The following ATXN10 variants were observed in gnomAD, a reference collection of about 807,000 sequenced individuals.
ATXN10 encodes the protein ataxin 10.
A neutral mutation model predicts 52.9 loss-of-function variants in ATXN10; 28 were observed. That is an observed-to-expected ratio of 0.53 (90% CI 0.39 to 0.73). ATXN10 has a LOEUF of 0.73. Among genes scored for constraint, ATXN10 ranks in the 30% least tolerant of loss-of-function variants. ATXN10 has a pLI of 0.00. For synonymous variants in ATXN10, 226 were observed against 221.5 expected (o/e 1.02, Z -0.18); for missense variants, 565 against 577.0 (o/e 0.98, Z 0.21).
In ATXN10 at chr22:45,806,609, C is replaced by T. The variant is rs189955592; in HGVS notation, c.1174-350C>T. On this transcript the variant is annotated intron_variant, in intron 9 of 11. Transcript: ENST00000252934. Reference sequence around the variant, plus strand: ...TCCCAGCTTAGAAGAGGAATTCACCCATGTTTTTTTCTAGTACTGATTTTC... The same window carrying T: ...TCCCAGCTTAGAAGAGGAATTCACCTATGTTTTTTTCTAGTACTGATTTTC... Among the ~76,000 whole-genome samples, 1,020 of 152,176 alleles carry T rather than the reference C, an allele frequency of 6.7e-3. 6 individuals carry two copies. Among genetic ancestry groups the T allele is most frequent in the African/African-American group, 0.023 (968 of 41,520 alleles).
At chr22:45,809,434 C>T (rs9614520) in intron 10 of ATXN10, among the ~76,000 whole-genome samples, 7,743 of 152,264 alleles carry the variant, frequency 0.051, 209 homozygotes, top group Non-Finnish European at 0.06. Context: ...CCACTTTTTA[C>T]ACTTTTTAAT....
At chr22:45,731,660 G>T (rs1925093917) in intron 7 of ATXN10, among the ~76,000 whole-genome samples, 1 of 152,150 alleles carries the variant, frequency 6.6e-6, no homozygotes, top group African/African-American at 2.4e-5. Context: ...TAGAGAATGT[G>T]ATCCGATACT....
At position 45,706,976 on chromosome 22, in the gene ATXN10, G is replaced by A. The variant is rs545274755; in HGVS notation, c.647+4129G>A. ...TTCATTATTGAAAGTGAATTATTGT[G>A]CATTTTTTCCTTCAGTTCTGTCAGT... On this transcript the variant is annotated intron_variant, in intron 5 of 11. Transcript: ENST00000252934. Among the ~76,000 whole-genome samples the A allele has an allele frequency of 6.6e-5, 10 of 152,216 alleles. No individual in the cohort carries two copies. In the South Asian group the frequency reaches 1.7e-3, roughly 25 times the overall value.
chr22:45,819,901 CAA>C lies in ATXN10; in HGVS notation c.1237+12881_1237+12882del, dbSNP rs1928593095. On this transcript the variant is annotated intron_variant, in intron 10 of 11. Coordinates refer to ENST00000252934, the MANE Select transcript of ATXN10 (RefSeq NM_013236.4). The surrounding 1 kb of genome is among the most constrained non-coding windows in gnomAD (Gnocchi z 4.5). ...TGAGACACTTGAGAGACTGGGTAGC[CAA>C]AGTTTGGCATAAAGGAACATGTTCC... 1.3e-5 allele frequency among the ~76,000 whole-genome samples: 2 copies of C among 152,112 alleles called. No individual in the cohort carries two copies. Among genetic ancestry groups the C allele is most frequent in the Admixed American group, 6.5e-5 (1 of 15,282 alleles).
chr22:45,682,179 A>G (rs1250555650), intron 1 of ATXN10, among the ~76,000 whole-genome samples: 1 of 152,104 alleles, frequency 6.6e-6, no homozygotes, highest in Non-Finnish European at 1.5e-5. Flanking sequence ...CTGAGTGATA[A>G]TCCTTCCCGG....
At chr22:45,807,311 G>A (rs1341471089) in intron 10 of ATXN10, among the ~76,000 whole-genome samples, 2 of 152,218 alleles carry the variant, frequency 1.3e-5, no homozygotes, top group Admixed American at 1.3e-4. Context: ...AAGGCACTGT[G>A]CTGCGCATCA....
Position 45,677,878 on chromosome 22 carries a change from G to T in ATXN10, c.116+5699G>T, listed in dbSNP as rs1022288696. ...GTTGCTAGTGGACATGTAAAGTGGT[G>T]CTGCTACTATGGAAAATAATTTGGT... On this transcript the variant is annotated intron_variant, in intron 1 of 11. Coordinates refer to ENST00000252934, the MANE Select transcript of ATXN10 (RefSeq NM_013236.4). The surrounding 1 kb of genome is among the most constrained non-coding windows in gnomAD (Gnocchi z 4.1). 2 of 152,174 alleles carry T rather than the reference G, an allele frequency of 1.3e-5. No individual in the cohort carries two copies. The highest frequency in any genetic ancestry group is 1.5e-5 in the Non-Finnish European group (1 of 68,042). The allele number at this position is 152,174 out of a possible 1,614,324, so 9.4% of individuals were successfully genotyped here.
intron 8 of ATXN10, among the ~76,000 whole-genome samples, 166 bp downstream of exon 8, chr22:45,739,005 A>G (rs529634935): frequency 1.3e-5 from 2 of 152,344 alleles, no homozygotes; most frequent in Admixed American, 1.3e-4. Context: ...GGCAGGCCAG[A>G]TAAACCTGAG....
At chr22:45,686,417 G>A (rs1041398349) in intron 1 of ATXN10, among the ~76,000 whole-genome samples, 26 of 152,178 alleles carry the variant, frequency 1.7e-4, no homozygotes, top group African/African-American at 6.0e-4. Flanking sequence ...TATCTGATGT[G>A]GACAAGTTAT....
rs1435138165 is a variant in ATXN10 at position 45,833,372 on chromosome 22, A to G, written c.1238-9619A>G. 6.6e-6 allele frequency among the ~76,000 whole-genome samples: 1 copy of G among 152,218 alleles called. No homozygotes were observed. The highest frequency in any genetic ancestry group is 2.4e-5 in the African/African-American group (1 of 41,452). Reference sequence around the variant, plus strand: ...ACCAGATGCCCAGACACTGGTGTGTACAGCATAAGAGCGCTCCTTGACTCC... The same window carrying G: ...ACCAGATGCCCAGACACTGGTGTGTGCAGCATAAGAGCGCTCCTTGACTCC... On this transcript the variant is annotated intron_variant, in intron 10 of 11. Transcript: ENST00000252934. This position sits in a 1 kb window ranked among gnomAD's most constrained non-coding sequence, Gnocchi z 4.3.
chr22:45,832,056 T>C (rs2146910779), intron 10 of ATXN10, among the ~76,000 whole-genome samples: 1 of 152,372 alleles, frequency 6.6e-6, no homozygotes, highest in East Asian at 1.9e-4. Context: ...AGAGCCAGAA[T>C]TGAACCCAAG....
At chr22:45,702,991 T>C in intron 5 of ATXN10, 144 bp downstream of exon 5, 1 of 1,043,566 alleles carries the variant, frequency 9.6e-7, no homozygotes, top group Non-Finnish European at 1.4e-6. Context: ...TTAGAGAAGA[T>C]TTTGAGCAGA....
intron 9 of ATXN10, among the ~76,000 whole-genome samples, chr22:45,782,594 A>G (rs1371514427): frequency 6.6e-6 from 1 of 152,196 alleles, no homozygotes; most frequent in African/African-American, 2.4e-5. Context: ...TAGAGGTCAG[A>G]ATACTAACCT....
At chr22:45,815,844 G>C (rs1928441400) in intron 10 of ATXN10, among the ~76,000 whole-genome samples, 1 of 152,164 alleles carries the variant, frequency 6.6e-6, no homozygotes, top group African/African-American at 2.4e-5. Context: ...ATGAATGTCA[G>C]TGTTTCTTTC....
chr22:45,833,122 G>A lies in ATXN10; in HGVS notation c.1238-9869G>A, dbSNP rs146508367. Among the ~76,000 whole-genome samples the A allele has an allele frequency of 1.3e-5, 2 of 152,340 alleles. No homozygotes were observed. The highest frequency in any genetic ancestry group is 1.3e-4 in the Admixed American group (2 of 15,310). On this transcript the variant is annotated intron_variant, in intron 10 of 11. Transcript: ENST00000252934. The surrounding 1 kb of genome is among the most constrained non-coding windows in gnomAD (Gnocchi z 4.3). ...CTTGAGTCACCTATTACTGTTAGAA[G>A]TGAAAGCAGACAGCATGAAATGAGA... is the stretch of plus-strand genomic sequence containing the variant.
chr22:45,811,171 A>G (rs1382075503), intron 10 of ATXN10, among the ~76,000 whole-genome samples: 1 of 151,996 alleles, frequency 6.6e-6, no homozygotes, highest in Non-Finnish European at 1.5e-5. Context: ...TTTTCCCTTT[A>G]TATGTTTTGA....
chr22:45,739,829 G>A (rs1445944079), intron 8 of ATXN10, among the ~76,000 whole-genome samples: 1 of 152,198 alleles, frequency 6.6e-6, no homozygotes, highest in East Asian at 1.9e-4. Flanking sequence ...GCCTGGAGGT[G>A]CTCATAGAGT....
intron 3 of ATXN10, among the ~76,000 whole-genome samples, chr22:45,699,681 G>A (rs375769128): frequency 6.6e-6 from 1 of 151,240 alleles, no homozygotes; most frequent in Non-Finnish European, 1.5e-5. Context: ...CAGTAGTGAC[G>A]GGGTTTCATC....
At chr22:45,730,432 G>C (rs570355497) in intron 7 of ATXN10, among the ~76,000 whole-genome samples, 1 of 151,832 alleles carries the variant, frequency 6.6e-6, no homozygotes, top group Admixed American at 6.6e-5. Context: ...GGACATTTAG[G>C]TTGTTTGTTT....
Sources: gnomAD v4.1 joint callset for allele counts (sites outside exome capture counted in the v4.1 genomes callset) on GRCh38, gnomAD v4.1.1 for gene constraint, Gnocchi (gnomAD v3.1) non-coding constraint, MANE v1.5 for transcripts, NCBI Gene and HGNC (gene_info 2026-07-23, HGNC 2026-07-21) for gene names.